The following PARD3 variants were observed in gnomAD, a reference collection of about 807,000 sequenced individuals.
PARD3 encodes the protein par-3 family cell polarity regulator, also known as partitioning defective 3 homolog.
PARD3 carries 75 observed loss-of-function variants against 155.4 expected under a neutral mutation model. The ratio of observed to expected loss-of-function variants is 0.48; its 90% CI spans 0.40 to 0.58. The LOEUF (loss-of-function observed/expected upper bound fraction) is 0.58. Ranked by LOEUF, PARD3 falls within the 20% of genes least tolerant of loss-of-function variation. PARD3 has a pLI of 0.00. For missense variants in PARD3, 1,642 were observed against 1,721.7 expected, an observed-to-expected ratio of 0.95 and a Z score of 0.82; for synonymous variants, 576 against 610.5, an observed-to-expected ratio of 0.94 and a Z score of 0.83.
intron 2 of PARD3, among the ~76,000 whole-genome samples, chr10:34,560,479 T>C (rs1314484656): frequency 1.3e-5 from 2 of 152,198 alleles, no homozygotes; most frequent in Admixed American, 1.3e-4. Flanking sequence ...ACAAGGCCAA[T>C]ACAGACAATG....
At chr10:34,559,042 T>TCCCCC (rs886905007) in intron 2 of PARD3, among the ~76,000 whole-genome samples, 62 of 150,068 alleles carry the variant, frequency 4.1e-4, no homozygotes, top group African/African-American at 1.5e-3. Context: ...AACTCATTTT[T>TCCCCC]CCCCCCCACA....
chr10:34,530,802 G>A (rs1228474659), intron 2 of PARD3, among the ~76,000 whole-genome samples: 2 of 152,270 alleles, frequency 1.3e-5, no homozygotes, highest in East Asian at 1.9e-4. Flanking sequence ...CCTTTCCAAA[G>A]GGTACTGTGT....
At chr10:34,236,967 C>G (rs527632725) in intron 22 of PARD3, among the ~76,000 whole-genome samples, 1 of 152,230 alleles carries the variant, frequency 6.6e-6, no homozygotes, top group East Asian at 1.9e-4. Flanking sequence ...AAATTAGATC[C>G]TCTACAAAAA....
At chr10:34,432,339 C>CAT (rs1056653398) in intron 5 of PARD3, among the ~76,000 whole-genome samples, 6 of 27,966 alleles carry the variant, frequency 2.1e-4, no homozygotes, top group African/African-American at 3.5e-4. Context: ...CGTGCACATA[C>CAT]ACACACACAC....
intron 22 of PARD3, among the ~76,000 whole-genome samples, chr10:34,221,444 C>T (rs969623259): frequency 1.4e-5 from 2 of 140,976 alleles, no homozygotes; most frequent in African/African-American, 2.7e-5. Flanking sequence ...GTGTACAATA[C>T]GATGTTTTGA....
chr10:34,681,766 ATATTTTTTTTTTT>A (rs1265067984), intron 2 of PARD3, among the ~76,000 whole-genome samples: 2 of 19,690 alleles, frequency 1.0e-4, no homozygotes, highest in African/African-American at 2.8e-4. Flanking sequence ...ATATATATAT[ATATTTTTTTTTTT>A]TTTTTTTTTT....
At chr10:34,481,842 CATTT>C (rs1365792768) in intron 3 of PARD3, among the ~76,000 whole-genome samples, 1 of 151,778 alleles carries the variant, frequency 6.6e-6, no homozygotes, top group Non-Finnish European at 1.5e-5. Flanking sequence ...ACCATTCATT[CATTT>C]ATTTGAGACA....
intron 1 of PARD3, among the ~76,000 whole-genome samples, chr10:34,737,631 G>T (rs1858309405): frequency 6.6e-6 from 1 of 152,160 alleles, no homozygotes; most frequent in Admixed American, 6.5e-5. Flanking sequence ...ATTAGCCTTA[G>T]AAAAGGGCCC....
At chr10:34,175,964 T>G (rs1286985449) in intron 22 of PARD3, among the ~76,000 whole-genome samples, 1 of 152,222 alleles carries the variant, frequency 6.6e-6, no homozygotes, top group African/African-American at 2.4e-5. Flanking sequence ...AAATGGTGAC[T>G]TCAGTCACTC....
rs149370270 is a variant in PARD3 at position 34,675,849 on chromosome 10, T to TCA, written c.222+20467_222+20468dup. On this transcript the variant is annotated intron_variant, in intron 2 of 24. Coordinates refer to ENST00000374788, the MANE Select transcript of PARD3 (RefSeq NM_001184785.2). The stretch of plus-strand genomic sequence containing the variant: ...TTCAGCACATGGGCCTCCACCAACT[T>TCA]CACACACACACACACGCGCTCATCA... 2.7e-4 allele frequency: 54 copies of TCA among 198,172 alleles called. 1 individual carries two copies. Among genetic ancestry groups the TCA allele is most frequent in the African/African-American group, 6.5e-4 (28 of 43,072 alleles). The allele number at this position is 198,172 out of a possible 1,614,324, so 12.3% of individuals were successfully genotyped here.
intron 2 of PARD3, among the ~76,000 whole-genome samples, chr10:34,690,770 G>A (rs2094042142): frequency 6.6e-6 from 1 of 152,190 alleles, no homozygotes; most frequent in Admixed American, 6.5e-5. Context: ...AAGTAAAAAG[G>A]AAACGTGGTG....
intron 5 of PARD3, among the ~76,000 whole-genome samples, chr10:34,436,195 A>G (rs1169899825): frequency 2.6e-5 from 4 of 152,244 alleles, no homozygotes; most frequent in Non-Finnish European, 5.9e-5. Flanking sequence ...ATTGAACTCA[A>G]TGCTCTAACA....
At chr10:34,382,132 C>A (rs985293015) in intron 9 of PARD3, among the ~76,000 whole-genome samples, 2 of 151,914 alleles carry the variant, frequency 1.3e-5, no homozygotes, top group African/African-American at 4.8e-5. Flanking sequence ...CCTCTAAAGT[C>A]CTCCTTGAGG....
At chr10:34,578,545 G>A (rs1490690296) in intron 2 of PARD3, among the ~76,000 whole-genome samples, 1 of 152,222 alleles carries the variant, frequency 6.6e-6, no homozygotes, top group African/African-American at 2.4e-5. Context: ...AAGCACCACA[G>A]TTGTAATTTC....
At chr10:34,752,813 G>C (rs773041849) in intron 1 of PARD3, among the ~76,000 whole-genome samples, 5 of 152,210 alleles carry the variant, frequency 3.3e-5, no homozygotes, top group South Asian at 4.1e-4. Context: ...ACAGTCCTTT[G>C]ATTTGGGGTT....
intron 5 of PARD3, among the ~76,000 whole-genome samples, chr10:34,414,242 G>C (rs1219073837): frequency 9.2e-5 from 14 of 151,722 alleles, no homozygotes; most frequent in Admixed American, 9.2e-4. Flanking sequence ...AAGGGAGGGG[G>C]GAGAAACAAA....
chr10:34,407,292 T>G (rs374217097), intron 5 of PARD3, among the ~76,000 whole-genome samples: 4 of 152,100 alleles, frequency 2.6e-5, no homozygotes, highest in East Asian at 1.9e-4. Flanking sequence ...CAGTGCAGGG[T>G]GTAAGGCAGG....
chr10:34,600,962 A>ATTTTTTTTTTTTT (rs1028271994), intron 2 of PARD3, among the ~76,000 whole-genome samples: 1 of 90,064 alleles, frequency 1.1e-5, no homozygotes, highest in Non-Finnish European at 2.1e-5. Context: ...CATTTTTTTA[A>ATTTTTTTTTTTTT]TTTTTTTTTT....
intron 1 of PARD3, among the ~76,000 whole-genome samples, chr10:34,805,542 C>CATATATAT (rs58820083): frequency 0.12 from 16,818 of 140,316 alleles, 1,336 homozygotes; most frequent in Non-Finnish European, 0.18. Context: ...CACGTATGTG[C>CATATATAT]ATATATATAT....
Sources: allele counts gnomAD v4.1 joint callset (sites outside exome capture counted in the v4.1 genomes callset), GRCh38; gene constraint gnomAD v4.1.1; transcripts MANE v1.5; gene names NCBI Gene and HGNC (gene_info 2026-07-23, HGNC 2026-07-21).